Variants in CSMD1 observed in about 807,000 individuals in gnomAD.
The protein encoded by CSMD1 is CUB and Sushi multiple domains 1.
A neutral mutation model predicts 417.5 loss-of-function variants in CSMD1; 213 were observed. The observed-to-expected ratio is 0.51, with a 90% CI of 0.46 to 0.57. The LOEUF is 0.57. CSMD1 is among the 20% of genes least tolerant of loss of function. The pLI, the probability that CSMD1 is intolerant of heterozygous loss-of-function variation, is 0.00. For missense variants in CSMD1, 6,923 were observed against 4,529.7 expected, an observed-to-expected ratio of 1.53 and a Z score of -15.17; for synonymous variants, 2,862 against 1,736.8, an observed-to-expected ratio of 1.65 and a Z score of -16.11.
chr8:4,921,791 G>A (rs774462213), intron 1 of CSMD1, among the ~76,000 whole-genome samples: 3 of 152,026 alleles, frequency 2.0e-5, no homozygotes, highest in African/African-American at 7.2e-5. Flanking sequence ...TTTCTTATAT[G>A]TTGTTTTCAC....
At chr8:3,871,808 A>C (rs1032652338) in intron 5 of CSMD1, among the ~76,000 whole-genome samples, 1 of 152,340 alleles carries the variant, frequency 6.6e-6, no homozygotes, top group East Asian at 1.9e-4. Context: ...ATGTGAATGA[A>C]GTGTGAAGCT....
chr8:4,623,482 T>G (rs1321153682), intron 2 of CSMD1, among the ~76,000 whole-genome samples: 1 of 152,140 alleles, frequency 6.6e-6, no homozygotes, highest in Non-Finnish European at 1.5e-5. Context: ...TCTTGAATGT[T>G]TGACCACAGT....
In CSMD1 at chr8:3,307,680, A is replaced by C. The variant is rs1003170242; in HGVS notation, c.3950+15T>G. On this transcript the variant is annotated intron_variant, in intron 25 of 69. Coordinates refer to ENST00000635120, the MANE Select transcript of CSMD1 (RefSeq NM_033225.6). The stretch of plus-strand genomic sequence containing the variant: ...CTCTTTTCTCAAATCACTGAAACCA[A>C]AATAAAACAAGTACCTAATGGTCTT... 6.2e-7 allele frequency: 1 copy of C among 1,611,474 alleles called. No individual in the cohort carries two copies. Among genetic ancestry groups the C allele is most frequent in the Admixed American group, 1.7e-5 (1 of 59,668 alleles).
At chr8:3,246,899 T>G (rs1799919091) in intron 26 of CSMD1, among the ~76,000 whole-genome samples, 1 of 152,232 alleles carries the variant, frequency 6.6e-6, no homozygotes, top group Non-Finnish European at 1.5e-5. Context: ...TTCCAATTCT[T>G]TCTCTCTTTT....
chr8:3,893,951 G>C (rs190438148), intron 5 of CSMD1, among the ~76,000 whole-genome samples: 1 of 151,764 alleles, frequency 6.6e-6, no homozygotes, highest in Non-Finnish European at 1.5e-5. Context: ...GCACCCAGAG[G>C]ACCACCCAGA....
At chr8:4,149,013 G>C (rs1410190144) in intron 3 of CSMD1, among the ~76,000 whole-genome samples, 1 of 151,040 alleles carries the variant, frequency 6.6e-6, no homozygotes, top group East Asian at 1.9e-4. Context: ...GCCCAGGCTG[G>C]AGTGCAGTGG....
At chr8:3,073,315 G>C (rs1275189989) in intron 49 of CSMD1, among the ~76,000 whole-genome samples, 1 of 150,446 alleles carries the variant, frequency 6.6e-6, no homozygotes, top group Non-Finnish European at 1.5e-5. Context: ...AAAGTAGTTG[G>C]AATTTTAAAT....
intron 8 of CSMD1, among the ~76,000 whole-genome samples, chr8:3,592,680 G>T (rs1275680084): frequency 1.3e-5 from 2 of 149,782 alleles, no homozygotes; most frequent in Non-Finnish European, 3.0e-5. Flanking sequence ...ACATCCGTGT[G>T]TGTGTGCACA....
intron 3 of CSMD1, among the ~76,000 whole-genome samples, chr8:4,058,161 C>G (rs989884400): frequency 8.5e-5 from 13 of 152,266 alleles, no homozygotes; most frequent in Non-Finnish European, 1.6e-4. Context: ...TCTTCCTACC[C>G]ATGAGCATGG....
chr8:3,300,931 C>A (rs76096819), intron 25 of CSMD1, among the ~76,000 whole-genome samples: 4,926 of 133,422 alleles, frequency 0.037, 189 homozygotes, highest in Admixed American at 0.12. Context: ...CGCACTCCAG[C>A]CTGGACAACA....
intron 2 of CSMD1, among the ~76,000 whole-genome samples, chr8:4,617,408 A>G (rs1317008288): frequency 6.6e-6 from 1 of 152,190 alleles, no homozygotes; most frequent in Non-Finnish European, 1.5e-5. Context: ...CTGTCATTCC[A>G]TATTTTAAAT....
In CSMD1 at chr8:4,301,289, C is replaced by G. The variant is rs149384315; in HGVS notation, c.415+118664G>C. Reference sequence around the variant, plus strand: ...CTCCACAAAGTCAACAAGCAAAATGCCTTGAGCATCCCAAAATACCAGTGC... The same window carrying G: ...CTCCACAAAGTCAACAAGCAAAATGGCTTGAGCATCCCAAAATACCAGTGC... On this transcript the variant is annotated intron_variant, in intron 3 of 69. Transcript: ENST00000635120. 8.3e-3 allele frequency among the ~76,000 whole-genome samples: 1,263 copies of G among 152,278 alleles called. 13 individuals are homozygous for G. Among genetic ancestry groups the G allele is most frequent in the South Asian group, 0.021 (101 of 4,824 alleles).
intron 2 of CSMD1, among the ~76,000 whole-genome samples, chr8:4,494,998 G>C (rs904567472): frequency 3.9e-5 from 6 of 152,000 alleles, no homozygotes; most frequent in African/African-American, 1.5e-4. Flanking sequence ...GTACTAAAGA[G>C]GGAGAAAATA....
rs1003176528 is a variant in CSMD1, at chr8:4,466,719, T to A, written c.303-46654A>T. On this transcript the variant is annotated intron_variant, in intron 2 of 69. Transcript: ENST00000635120. ...CAGCTTTTTAAAAATTTTAAAATGG[T>A]GTACAACAAATACATATTTCCAATA... Among the ~76,000 whole-genome samples, 3 of 152,258 alleles carry A rather than the reference T, an allele frequency of 2.0e-5. No individual in the cohort carries two copies. In the South Asian group the frequency reaches 6.2e-4, roughly 32 times the overall value.
At chr8:3,297,517 T>A (rs1160881193) in intron 25 of CSMD1, among the ~76,000 whole-genome samples, 1 of 152,148 alleles carries the variant, frequency 6.6e-6, no homozygotes, top group Non-Finnish European at 1.5e-5. Flanking sequence ...TCTGCATAGA[T>A]CTAGTTGTCT....
At chr8:3,658,794 A>G (rs1348374541) in intron 7 of CSMD1, among the ~76,000 whole-genome samples, 1 of 152,204 alleles carries the variant, frequency 6.6e-6, no homozygotes, top group South Asian at 2.1e-4. Flanking sequence ...AAAAATAAAA[A>G]TAAAAATAAA....
At chr8:3,291,238 T>C (rs947419696) in intron 25 of CSMD1, among the ~76,000 whole-genome samples, 12 of 152,302 alleles carry the variant, frequency 7.9e-5, no homozygotes, top group South Asian at 2.1e-4. Flanking sequence ...AGTATTTTAT[T>C]GAGGATTTTT....
At chr8:4,762,971 G>C (rs1274770291) in intron 1 of CSMD1, among the ~76,000 whole-genome samples, 2 of 152,126 alleles carry the variant, frequency 1.3e-5, no homozygotes, top group Admixed American at 1.3e-4. Context: ...ATCTGGTGGC[G>C]TGTGGGAGGA....
At chr8:4,262,628 G>A (rs1282602148) in intron 3 of CSMD1, among the ~76,000 whole-genome samples, 7 of 152,018 alleles carry the variant, frequency 4.6e-5, no homozygotes, top group Admixed American at 2.6e-4. Flanking sequence ...AACAGCCATC[G>A]CCACCCAGTT....
Sources: allele counts gnomAD v4.1 joint callset (sites outside exome capture counted in the v4.1 genomes callset), GRCh38; gene constraint gnomAD v4.1.1; transcripts MANE v1.5; gene names NCBI Gene and HGNC (gene_info 2026-07-23, HGNC 2026-07-21).